COX6C: variants seen among roughly 807,000 people sequenced by gnomAD.
COX6C encodes the protein cytochrome c oxidase polypeptide VIc.
COX6C carries 3 observed loss-of-function variants against 6.9 expected under a neutral mutation model. The ratio of observed to expected loss-of-function variants is 0.43; its 90% CI spans 0.20 to 1.12. The LOEUF (loss-of-function observed/expected upper bound fraction) is 1.12. Ranked by LOEUF, COX6C falls within the 50% of genes most tolerant of loss-of-function variation. The pLI is 0.27. For missense variants in COX6C, 101 were observed against 97.3 expected, an observed-to-expected ratio of 1.04 and a Z score of -0.16; for synonymous variants, 32 against 32.0, an observed-to-expected ratio of 1.00 and a Z score of 0.00.
rs575278216 is a variant in COX6C, at chr8:99,887,693, A to C, written c.115-75T>G. The C allele has an allele frequency of 3.2e-6, 3 of 930,200 alleles. No individual in the cohort carries two copies. In the South Asian group the frequency reaches 5.8e-5, roughly 18 times the overall value. The allele number at this position is 930,200 out of a possible 1,614,324, so 57.6% of individuals were successfully genotyped here. A position where few individuals can be genotyped will look rare whatever the true frequency, so the allele number is the denominator to read the frequency against. ...AGATTCCAGATTATAATATATAAAGACAAGGTAGAACACATGTTTTTGTTC... is the reference window on the plus strand; with the variant it reads ...AGATTCCAGATTATAATATATAAAGCCAAGGTAGAACACATGTTTTTGTTC... On this transcript the variant is annotated intron_variant, in intron 2 of 3. Coordinates refer to ENST00000520468, the MANE Select transcript of COX6C (RefSeq NM_004374.4).
At chr8:99,880,102 G>A (rs1303608378) in intron 3 of COX6C, among the ~76,000 whole-genome samples, 1 of 152,204 alleles carries the variant, frequency 6.6e-6, no homozygotes, top group Non-Finnish European at 1.5e-5. Flanking sequence ...GGAAAAGTTT[G>A]AGAGGACACC....
chr8:99,888,214 CT>C (rs1167807590), intron 2 of COX6C, among the ~76,000 whole-genome samples: 2 of 152,094 alleles, frequency 1.3e-5, no homozygotes, highest in Non-Finnish European at 2.9e-5. Context: ...AGTAAGAATC[CT>C]TTACCTGACC....
At chr8:99,890,074 A>T (rs965285408) in intron 2 of COX6C, among the ~76,000 whole-genome samples, 39 of 152,004 alleles carry the variant, frequency 2.6e-4, no homozygotes, top group African/African-American at 9.4e-4. Context: ...AGCATGGGCA[A>T]CAGAGTGAGA....
chr8:99,890,386 T>C lies in COX6C; in HGVS notation c.114+1522A>G, dbSNP rs73699874. Among the ~76,000 whole-genome samples the C allele has an allele frequency of 2.5e-3, 383 of 152,300 alleles. 4 individuals carry two copies. Among genetic ancestry groups the C allele is most frequent in the African/African-American group, 8.9e-3 (370 of 41,546 alleles). ...CAGTTATGTTCTATCTTGCAATGTC[T>C]TCTAATTTTTTTCACCTCCCCAACT... On this transcript the variant is annotated intron_variant, in intron 2 of 3. Coordinates refer to ENST00000520468, the MANE Select transcript of COX6C (RefSeq NM_004374.4).
At chr8:99,884,240 AGATT>A (rs1817910393) in intron 3 of COX6C, among the ~76,000 whole-genome samples, 2 of 152,346 alleles carry the variant, frequency 1.3e-5, no homozygotes, top group Admixed American at 1.3e-4. Flanking sequence ...CAAACCCTAA[AGATT>A]TCTAACACAC....
chr8:99,883,471 A>ATATATATT (rs528881148), intron 3 of COX6C, among the ~76,000 whole-genome samples: 7 of 137,718 alleles, frequency 5.1e-5, no homozygotes, highest in Non-Finnish European at 7.6e-5. Context: ...ATATATATAT[A>ATATATATT]TTTTTTTTTT....
At chr8:99,880,659 G>T (rs575244297) in intron 3 of COX6C, among the ~76,000 whole-genome samples, 1 of 151,834 alleles carries the variant, frequency 6.6e-6, no homozygotes, top group Admixed American at 6.6e-5. Context: ...CTGAGCCTAG[G>T]AGTTCAAGAC....
Position 99,892,000 on chromosome 8 carries a change from T to C in COX6C, c.22A>G (p.Lys8Glu), listed in dbSNP as rs1299709259. The change falls in exon 2 of 4, where the codon AAA becomes GAA. Residue 8 changes from lysine (K) to glutamate (E), a missense_variant. Transcript: ENST00000520468. MAPEVLP[K>E]PRMRGLLARR... ...GCCAGAAGGCCACGCATCCGAGGTT[T>C]TGGCAAAACTTCGGGAGCCATGGTA... 2 of 1,612,672 alleles carry C rather than the reference T, an allele frequency of 1.2e-6. No homozygotes were observed. Among genetic ancestry groups the C allele is most frequent in the East Asian group, 4.5e-5 (2 of 44,886 alleles).
intron 3 of COX6C, chr8:99,878,896 T>A (rs1417744360): frequency 6.6e-6 from 1 of 152,238 alleles, no homozygotes; most frequent in Non-Finnish European, 1.5e-5. Context: ...GACTTTCTAA[T>A]GGGTTTTCCA....
intron 3 of COX6C, among the ~76,000 whole-genome samples, chr8:99,884,720 T>C (rs1398105555): frequency 6.6e-6 from 1 of 152,186 alleles, no homozygotes; most frequent in African/African-American, 2.4e-5. Context: ...CCAAACCCTA[T>C]ACAGCTACGT....
intron 2 of COX6C, among the ~76,000 whole-genome samples, chr8:99,889,463 G>A (rs1418085125): frequency 6.7e-6 from 1 of 149,636 alleles, no homozygotes; most frequent in East Asian, 2.0e-4. Flanking sequence ...TCGGCTCACT[G>A]TAACCTCCCC....
intron 3 of COX6C, among the ~76,000 whole-genome samples, chr8:99,883,453 G>GCATA (rs1554593063): frequency 2.2e-5 from 3 of 135,150 alleles, no homozygotes; most frequent in Admixed American, 1.5e-4. Context: ...GTGTGTGTGT[G>GCATA]TATATATATA....
In COX6C at chr8:99,883,457, A is replaced by G. The variant is rs896285948; in HGVS notation, c.*15+4033T>C. Among the ~76,000 whole-genome samples the G allele has an allele frequency of 1.0e-3, 144 of 140,424 alleles. 2 individuals are homozygous for G. The highest frequency in any genetic ancestry group is 3.2e-3 in the South Asian group (15 of 4,648). The allele number at this position is 140,424 out of a possible 152,430, so 92.1% of individuals were successfully genotyped here. On this transcript the variant is annotated intron_variant, in intron 3 of 3. Coordinates refer to ENST00000520468, the MANE Select transcript of COX6C (RefSeq NM_004374.4). ...TATGTGTGTGTGTGTGTGTGTGTAT[A>G]TATATATATATATATTTTTTTTTTG...
At chr8:99,880,058 C>T (rs1331872402) in intron 3 of COX6C, among the ~76,000 whole-genome samples, 2 of 152,160 alleles carry the variant, frequency 1.3e-5, no homozygotes, top group Admixed American at 6.5e-5. Context: ...AAAACTAATG[C>T]ATATGCACAG....
intron 3 of COX6C, among the ~76,000 whole-genome samples, chr8:99,879,832 A>G (rs906996319): frequency 6.6e-6 from 1 of 152,208 alleles, no homozygotes; most frequent in Non-Finnish European, 1.5e-5. Context: ...TAATGGGAAC[A>G]ATGGCATAGT....
intron 2 of COX6C, among the ~76,000 whole-genome samples, chr8:99,890,136 GT>G (rs994983199): frequency 4.7e-4 from 72 of 151,684 alleles, no homozygotes; most frequent in African/African-American, 1.7e-3. Flanking sequence ...GCTAATTTTT[GT>G]ATTTTAGTAG....
chr8:99,885,447 A>G (rs1224755383), intron 3 of COX6C, among the ~76,000 whole-genome samples: 1 of 152,238 alleles, frequency 6.6e-6, no homozygotes, highest in Non-Finnish European at 1.5e-5. Flanking sequence ...TAATCAAAAC[A>G]GTGTAGTACT....
chr8:99,888,130 A>T lies in COX6C; in HGVS notation c.115-512T>A, dbSNP rs143853784. Among the ~76,000 whole-genome samples, 1,221 of 151,116 alleles carry T rather than the reference A, an allele frequency of 8.1e-3. 13 individuals are homozygous for T. Among genetic ancestry groups the T allele is most frequent in the African/African-American group, 0.027 (1,137 of 41,388 alleles). ...TAAAAAAAAATAAAAAATAAAAAAA[A>T]AATAAAAAATAAAAAAGATGGGGTC... On this transcript the variant is annotated intron_variant, in intron 2 of 3. Coordinates refer to ENST00000520468, the MANE Select transcript of COX6C (RefSeq NM_004374.4).
intron 2 of COX6C, among the ~76,000 whole-genome samples, chr8:99,889,299 T>TC (rs886981411): frequency 6.6e-6 from 1 of 151,270 alleles, no homozygotes; most frequent in African/African-American, 2.4e-5. Context: ...CTCCCTAACT[T>TC]TTTTTTTTGA....
Sources: gnomAD v4.1 joint callset for allele counts (sites outside exome capture counted in the v4.1 genomes callset) on GRCh38, gnomAD v4.1.1 for gene constraint, MANE v1.5 for transcripts, NCBI Gene and HGNC (gene_info 2026-07-23, HGNC 2026-07-21) for gene names.